Variants in ITSN2 observed in about 807,000 individuals in gnomAD.
ITSN2 encodes the protein intersectin 2.
A neutral mutation model predicts 243.7 loss-of-function variants in ITSN2; 156 were observed. The ratio of observed to expected loss-of-function variants is 0.64; its 90% CI spans 0.56 to 0.73. ITSN2 has a LOEUF of 0.73. Among genes scored for constraint, ITSN2 ranks in the 30% least tolerant of loss-of-function variants. The pLI, the probability that ITSN2 is intolerant of heterozygous loss-of-function variation, is 0.00. For synonymous variants in ITSN2, 703 were observed against 699.9 expected, an observed-to-expected ratio of 1.00 and a Z score of -0.07; for missense variants, 1,801 against 1,996.1, an observed-to-expected ratio of 0.90 and a Z score of 1.86.
chr2:24,340,254 G>A (rs1356981586), intron 1 of ITSN2, among the ~76,000 whole-genome samples: 1 of 152,132 alleles, frequency 6.6e-6, no homozygotes, highest in Non-Finnish European at 1.5e-5. Flanking sequence ...GGCCGAGGCG[G>A]CAGATTACCT....
At chr2:24,215,149 G>A (rs1669839717) in intron 32 of ITSN2, among the ~76,000 whole-genome samples, 1 of 152,142 alleles carries the variant, frequency 6.6e-6, no homozygotes, top group African/African-American at 2.4e-5. Context: ...AACTTGTGAC[G>A]TGGCATCACG....
chr2:24,305,124 A>G (rs1474531079), intron 8 of ITSN2, among the ~76,000 whole-genome samples: 1 of 152,216 alleles, frequency 6.6e-6, no homozygotes, highest in Non-Finnish European at 1.5e-5. Flanking sequence ...CCTTGATTAC[A>G]TGAGCTCTTC....
At chr2:24,268,483 C>T (rs974607283) in intron 20 of ITSN2, among the ~76,000 whole-genome samples, 2 of 152,110 alleles carry the variant, frequency 1.3e-5, no homozygotes, top group Admixed American at 6.6e-5. Flanking sequence ...ATCTATTAGT[C>T]AGAACAGGGA....
chr2:24,298,895 G>C (rs1681349211), intron 12 of ITSN2, 81 bp from the exon 13 acceptor site: 2 of 1,380,658 alleles, frequency 1.4e-6, no homozygotes, highest in Admixed American at 4.4e-5. Flanking sequence ...AACAATAAAA[G>C]TCAGGCAGAG....
At chr2:24,295,524 G>A in intron 14 of ITSN2, 140 bp downstream of exon 14, 2 of 523,638 alleles carry the variant, frequency 3.8e-6, no homozygotes, top group Non-Finnish European at 6.4e-6. Context: ...GACTGGGCTG[G>A]TCTCGAACTC....
rs371495202 is a variant in ITSN2, at chr2:24,260,737, G to A, written c.2682+369C>T. Among the ~76,000 whole-genome samples, 237 of 151,732 alleles carry A rather than the reference G, an allele frequency of 1.6e-3. 1 individual carries two copies. Among genetic ancestry groups the A allele is most frequent in the African/African-American group, 5.5e-3 (226 of 41,416 alleles). ...AGCCTGGCTAACATGGTGAAACCCC[G>A]TCTCTACTAAAAATACAAAAATTAG... On this transcript the variant is annotated intron_variant, in intron 22 of 39. Transcript: ENST00000355123.
rs763674552 is a variant in ITSN2 at position 24,315,115 on chromosome 2, T to G, written c.124+17A>C. 1.3e-5 allele frequency: 18 copies of G among 1,413,284 alleles called. No individual in the cohort carries two copies. Among genetic ancestry groups the G allele is most frequent in the Middle Eastern group, 1.8e-4 (1 of 5,596 alleles). 87.5% of individuals were successfully genotyped at this position (1,413,284 alleles called of 1,614,324 possible). On this transcript the variant is annotated intron_variant, in intron 3 of 39. Coordinates refer to ENST00000355123, the MANE Select transcript of ITSN2 (RefSeq NM_006277.3). ...AAGGACCATAATTCACTAATAAAAC[T>G]AATTATAAATACAAACCTGTTATGT... is the stretch of plus-strand genomic sequence containing the variant.
chr2:24,330,303 TGAA>T lies in ITSN2; in HGVS notation c.-33-2191_-33-2189del, dbSNP rs369337161. ...AAAGAATGCCAAATAGAGAGCAACG[TGAA>T]GAAGAAGACGCGAGAACGAACCCCG... On this transcript the variant is annotated intron_variant, in intron 1 of 39. Coordinates refer to ENST00000355123, the MANE Select transcript of ITSN2 (RefSeq NM_006277.3). The T allele has an allele frequency of 6.5e-4, 261 of 399,182 alleles. 3 individuals carry two copies. Among genetic ancestry groups the T allele is most frequent in the African/African-American group, 5.0e-3 (240 of 48,046 alleles). 24.7% of individuals were successfully genotyped at this position (399,182 alleles called of 1,614,324 possible). A position where few individuals can be genotyped will look rare whatever the true frequency, so the allele number is the denominator to read the frequency against.
chr2:24,247,799 A>G (rs1388543837), intron 27 of ITSN2, among the ~76,000 whole-genome samples: 1 of 152,208 alleles, frequency 6.6e-6, no homozygotes, highest in East Asian at 1.9e-4. Flanking sequence ...AGCTTTGTTA[A>G]TCATTAATCA....
intron 1 of ITSN2, among the ~76,000 whole-genome samples, chr2:24,339,644 T>C (rs1558654351): frequency 6.6e-6 from 1 of 152,132 alleles, no homozygotes; most frequent in Non-Finnish European, 1.5e-5. Context: ...GTGTTTTATA[T>C]ATTGAAGCTT....
chr2:24,203,679 C>T lies in ITSN2; in HGVS notation c.5041G>A (p.Glu1681Lys). The change falls in exon 40 of 40, where the codon GAG becomes AAG. Residue 1681 changes from glutamate (E) to lysine (K), a missense_variant. Coordinates refer to ENST00000355123, the MANE Select transcript of ITSN2 (RefSeq NM_006277.3). ...RLLLHEVPTG[E>K]VWVRFDLQLF... ...TGCAGGTCAAAACGGACCCAGACCTCCCCGGTGGGGACCTCATGCAGCAGC... is the reference window on the plus strand; with the variant it reads ...TGCAGGTCAAAACGGACCCAGACCTTCCCGGTGGGGACCTCATGCAGCAGC... 6.2e-7 allele frequency: 1 copy of T among 1,614,166 alleles called. No individual in the cohort carries two copies. Among genetic ancestry groups the T allele is most frequent in the Non-Finnish European group, 8.5e-7 (1 of 1,180,038 alleles).
At chr2:24,281,041 T>C (rs959486380) in intron 17 of ITSN2, among the ~76,000 whole-genome samples, 3 of 152,228 alleles carry the variant, frequency 2.0e-5, no homozygotes, top group African/African-American at 4.8e-5. Context: ...TTGTTTGTTT[T>C]TTCTGAGACA....
At chr2:24,315,652 G>T (rs939014768) in intron 2 of ITSN2, among the ~76,000 whole-genome samples, 3 of 152,178 alleles carry the variant, frequency 2.0e-5, no homozygotes, top group Non-Finnish European at 4.4e-5. Context: ...CAGAGGAGGG[G>T]CCTGGTGGGA....
chr2:24,259,056 T>C (rs992542781), intron 22 of ITSN2, among the ~76,000 whole-genome samples: 4 of 152,238 alleles, frequency 2.6e-5, no homozygotes, highest in Admixed American at 1.3e-4. Context: ...CAGACTTGTA[T>C]ATCAAACTGC....
intron 29 of ITSN2, among the ~76,000 whole-genome samples, chr2:24,230,835 G>A (rs1405690543): frequency 6.6e-6 from 1 of 151,880 alleles, no homozygotes; most frequent in East Asian, 1.9e-4. Flanking sequence ...CCAAACAAAA[G>A]CCAAAGTTTA....
intron 20 of ITSN2, among the ~76,000 whole-genome samples, chr2:24,267,178 T>C (rs571037180): frequency 2.1e-4 from 31 of 150,776 alleles, no homozygotes; most frequent in East Asian, 9.8e-4. Flanking sequence ...CAAGTGGGAG[T>C]TGAACAATGA....
In ITSN2 at chr2:24,203,496, A is replaced by T; in HGVS notation, c.*130T>A. The T allele has an allele frequency of 2.3e-6, 2 of 873,956 alleles. No individual in the cohort carries two copies. The highest frequency in any genetic ancestry group is 3.4e-6 in the Non-Finnish European group (2 of 585,090). 54.1% of individuals were successfully genotyped at this position (873,956 alleles called of 1,614,324 possible). ...AGCTATTTAGTGTGCAGGAAAACAG[A>T]GCCCCCAGCGTGCATGGCTTTGTGA... On this transcript the variant is annotated 3_prime_UTR_variant, in exon 40 of 40. Transcript: ENST00000355123.
In ITSN2 at chr2:24,295,804, T is replaced by A. The variant is rs774108400; in HGVS notation, c.1495A>T (p.Asn499Tyr). The A allele has an allele frequency of 2.0e-6, 3 of 1,525,962 alleles. No homozygotes were observed. The South Asian group carries it at 4.0e-5, about 20-fold the overall frequency. The allele number at this position is 1,525,962 out of a possible 1,614,324, so 94.5% of individuals were successfully genotyped here. A position where few individuals can be genotyped will look rare whatever the true frequency, so the allele number is the denominator to read the frequency against. Residue 499 changes from asparagine to tyrosine, a missense_variant and splice_region_variant, in exon 14 of 40, where the codon AAT (asparagine) becomes TAT (tyrosine). By Grantham distance (143) the Asn-to-Tyr change is moderately radical. Around this residue, in one of 5 missense-constraint regions of ITSN2, gnomAD observed 787 missense variants for 803.9 expected, o/e 0.98. Transcript: ENST00000355123. Reference protein sequence around the residue: ...KNLHLELEALNGKHQQISGRL... With the variant: ...KNLHLELEALYGKHQQISGRL... ...CCTGAGATCTGCTGATGTTTGCCAT[T>A]CTATAGGAAGATCATATAAATATAT...
intron 29 of ITSN2, among the ~76,000 whole-genome samples, chr2:24,245,673 T>G (rs975621758): frequency 6.6e-6 from 1 of 152,146 alleles, no homozygotes; most frequent in Non-Finnish European, 1.5e-5. Flanking sequence ...GAGATGGGGT[T>G]TCGCCATGTT....
Sources: gnomAD v4.1 joint callset for allele counts (sites outside exome capture counted in the v4.1 genomes callset) on GRCh38, gnomAD v4.1.1 for gene constraint, gnomAD v4.1.1 regional missense constraint, MANE v1.5 for transcripts, NCBI Gene and HGNC (gene_info 2026-07-23, HGNC 2026-07-21) for gene names.